WDPCP: variants seen among roughly 807,000 people sequenced by gnomAD.
WDPCP encodes the protein WD repeat containing planar cell polarity effector.
Under a neutral mutation model 93.1 loss-of-function variants are expected in WDPCP, and 71 were observed. That is an observed-to-expected ratio of 0.76 (90% confidence interval 0.63 to 0.93). WDPCP has a LOEUF of 0.93. Among genes scored for constraint, WDPCP ranks in the 40% least tolerant of loss-of-function variants. The pLI, the probability that WDPCP is intolerant of heterozygous loss-of-function variation, is 0.00. For synonymous variants in WDPCP, 315 were observed against 315.0 expected (o/e 1.00, Z 0.00); for missense variants, 844 against 887.4 (o/e 0.95, Z 0.62).
chr2:63,747,502 T>C (rs1669816389), intron 2 of WDPCP, among the ~76,000 whole-genome samples: 4 of 152,240 alleles, frequency 2.6e-5, no homozygotes, highest in African/African-American at 4.8e-5. Flanking sequence ...TTTTCCCATA[T>C]GGATATCTTT....
chr2:63,354,729 T>G (rs1235440228), intron 12 of WDPCP, among the ~76,000 whole-genome samples: 1 of 152,102 alleles, frequency 6.6e-6, no homozygotes, highest in East Asian at 1.9e-4. Context: ...TGTGTGTGTG[T>G]GTGTGTGTAT....
chr2:63,705,799 G>A (rs1176885666), intron 2 of WDPCP, among the ~76,000 whole-genome samples: 1 of 149,776 alleles, frequency 6.7e-6, no homozygotes, highest in Non-Finnish European at 1.5e-5. Context: ...GAGTTCTGTA[G>A]ATGTCTATTA....
chr2:63,571,245 TC>T, intron 1 of WDPCP: 1 of 385,804 alleles, frequency 2.6e-6, no homozygotes, highest in Non-Finnish European at 5.1e-6. Context: ...TGTGTCACTT[TC>T]CTCATGTGTA....
At chr2:63,378,257 T>G in intron 12 of WDPCP, 129 bp downstream of exon 12, 1 of 1,161,956 alleles carries the variant, frequency 8.6e-7, no homozygotes, top group Non-Finnish European at 1.2e-6. Flanking sequence ...CAAAAGAAGA[T>G]GTATATTTCT....
intron 2 of WDPCP, among the ~76,000 whole-genome samples, chr2:63,767,749 T>C (rs1402158324): frequency 6.6e-6 from 1 of 152,136 alleles, no homozygotes; most frequent in African/African-American, 2.4e-5. Flanking sequence ...AGTCCTTTAT[T>C]TGATATGTGA....
chr2:63,236,815 T>C (rs150474297), intron 14 of WDPCP, among the ~76,000 whole-genome samples: 12 of 152,194 alleles, frequency 7.9e-5, no homozygotes, highest in African/African-American at 2.6e-4. Flanking sequence ...TCTCAACATA[T>C]ACAAAAATTA....
chr2:63,632,987 A>T (rs1452394239), intron 3 of WDPCP, among the ~76,000 whole-genome samples: 1 of 152,228 alleles, frequency 6.6e-6, no homozygotes, highest in Non-Finnish European at 1.5e-5. Context: ...GACAAAATAA[A>T]CTCATCTCAT....
chr2:63,544,489 G>T (rs1426745930), intron 1 of WDPCP, among the ~76,000 whole-genome samples: 2 of 152,098 alleles, frequency 1.3e-5, no homozygotes, highest in Non-Finnish European at 2.9e-5. Flanking sequence ...TGTTCAAACT[G>T]ATTCTCTATT....
At chr2:63,551,261 A>G (rs1705617318) in intron 1 of WDPCP, among the ~76,000 whole-genome samples, 1 of 152,068 alleles carries the variant, frequency 6.6e-6, no homozygotes, top group Admixed American at 6.5e-5. Context: ...AAAAAATATG[A>G]CTGTAATATA....
intron 6 of WDPCP, among the ~76,000 whole-genome samples, chr2:63,472,931 G>A (rs1275283114): frequency 1.3e-5 from 2 of 152,138 alleles, no homozygotes; most frequent in Non-Finnish European, 2.9e-5. Flanking sequence ...TTTCTCTGTG[G>A]ATACACATTT....
chr2:63,166,351 C>T (rs916177571), intron 15 of WDPCP, among the ~76,000 whole-genome samples: 1 of 152,082 alleles, frequency 6.6e-6, no homozygotes, highest in Admixed American at 6.6e-5. Context: ...AGGCATGAGC[C>T]ACCGTGCCTG....
chr2:63,654,397 G>A (rs1026064052), intron 2 of WDPCP, among the ~76,000 whole-genome samples: 1 of 152,188 alleles, frequency 6.6e-6, no homozygotes, highest in Non-Finnish European at 1.5e-5. Flanking sequence ...GGTCTAGATG[G>A]GCAAGGCATT....
intron 1 of WDPCP, among the ~76,000 whole-genome samples, chr2:63,498,544 G>T (rs1002859239): frequency 2.0e-5 from 3 of 152,152 alleles, no homozygotes; most frequent in African/African-American, 7.2e-5. Flanking sequence ...ACTAAATTTT[G>T]AGAAAGTAAC....
At position 63,321,619 on chromosome 2, in the gene WDPCP, CT is replaced by C. The variant is rs554048387; in HGVS notation, c.1749-8309del. Among the ~76,000 whole-genome samples, 1,109 of 152,046 alleles carry C rather than the reference CT, an allele frequency of 7.3e-3. 10 individuals carry two copies. Among genetic ancestry groups the C allele is most frequent in the Non-Finnish European group, 0.012 (841 of 67,970 alleles). On this transcript the variant is annotated intron_variant, in intron 12 of 17. Coordinates refer to ENST00000272321, the MANE Select transcript of WDPCP (RefSeq NM_015910.7). ...CATTTTATTTGGTACACGGATATAA[CT>C]TTTTTTTATTATGAAAGGTAGCCCA... is the stretch of plus-strand genomic sequence containing the variant.
In WDPCP at chr2:63,733,747, T is replaced by A. The variant is rs113302566; in HGVS notation, n.308+79875A>T. Among the ~76,000 whole-genome samples the A allele has an allele frequency of 5.0e-3, 758 of 152,304 alleles. 9 individuals carry two copies. The highest frequency in any genetic ancestry group is 0.017 in the African/African-American group (713 of 41,552). On this transcript the variant is annotated intron_variant and non_coding_transcript_variant, in intron 2 of 4. Coordinates refer to the WDPCP transcript ENST00000467687. ...CAGAATCTTCAATTTGTATTTTTTTTAAATTGGGATATAATTCACCTACCA... is the reference window on the plus strand; with the variant it reads ...CAGAATCTTCAATTTGTATTTTTTTAAAATTGGGATATAATTCACCTACCA...
rs565255247 is a variant in WDPCP at position 63,231,774 on chromosome 2, C to G, written c.1915+27533G>C. Among the ~76,000 whole-genome samples, 12 of 152,242 alleles carry G rather than the reference C, an allele frequency of 7.9e-5. No individual in the cohort carries two copies. In the South Asian group the frequency reaches 2.5e-3, roughly 32 times the overall value. On this transcript the variant is annotated intron_variant, in intron 14 of 17. Transcript: ENST00000272321. ...TACTGCCCAAGGTAATTTATAGATT[C>G]AATGCCATCCCCATCAAGCTACCAT...
chr2:63,263,024 G>A (rs984368484), intron 13 of WDPCP, among the ~76,000 whole-genome samples: 2 of 152,098 alleles, frequency 1.3e-5, no homozygotes, highest in Non-Finnish European at 2.9e-5. Flanking sequence ...ATTCACTTGT[G>A]GACCTCCTCA....
At chr2:63,450,176 A>G (rs562070913) in intron 6 of WDPCP, among the ~76,000 whole-genome samples, 14 of 152,148 alleles carry the variant, frequency 9.2e-5, no homozygotes, top group Non-Finnish European at 1.9e-4. Flanking sequence ...TCCACACACC[A>G]CTGCAGGCAT....
In WDPCP at chr2:63,152,929, T is replaced by C. The variant is rs1671981395; in HGVS notation, c.2175A>G (p.Glu725=). 6.2e-7 allele frequency: 1 copy of C among 1,612,590 alleles called. No homozygotes were observed. Among genetic ancestry groups the C allele is most frequent in the Admixed American group, 1.7e-5 (1 of 60,014 alleles). ...TCNAEDGELR[E]DGREQEIRDG... ...AGTGTTTTACCTGTTCTCTGCCGTC[T>C]TCTCTCAGTTCTCCGTCTAAAGTAA... The change falls in exon 17 of 18, where the codon GAA becomes GAG. Residue 725 remains glutamate, a synonymous_variant. Coordinates refer to ENST00000272321, the MANE Select transcript of WDPCP (RefSeq NM_015910.7).
Sources: allele counts gnomAD v4.1 joint callset (sites outside exome capture counted in the v4.1 genomes callset), GRCh38; gene constraint gnomAD v4.1.1; transcripts MANE v1.5; gene names NCBI Gene and HGNC (gene_info 2026-07-23, HGNC 2026-07-21).